Variants in DPP10 observed in about 807,000 individuals in gnomAD.
DPP10 encodes inactive dipeptidyl peptidase 10.
In DPP10, 33 loss-of-function variants were observed where a neutral mutation model predicts 120.9. The observed-to-expected ratio is 0.27, with a 90% CI of 0.21 to 0.37. The LOEUF is 0.37. Among genes scored for constraint, DPP10 ranks in the 10% least tolerant of loss-of-function variants. The pLI is 1.00. For missense variants in DPP10, 816 were observed against 942.8 expected (o/e 0.87, Z 1.76); for synonymous variants, 337 against 326.1 (o/e 1.03, Z -0.36).
intron 1 of DPP10, among the ~76,000 whole-genome samples, chr2:115,122,240 GAGAGA>G (rs1236256757): frequency 6.6e-6 from 1 of 152,168 alleles, no homozygotes; most frequent in Non-Finnish European, 1.5e-5. Context: ...TACAACACAT[GAGAGA>G]AGAGAAGAGG....
intron 11 of DPP10, among the ~76,000 whole-genome samples, chr2:115,755,832 A>T (rs777776608): frequency 2.6e-5 from 4 of 152,020 alleles, no homozygotes; most frequent in African/African-American, 9.7e-5. Flanking sequence ...AATAGTAGGG[A>T]TGTAGAATCA....
intron 10 of DPP10, among the ~76,000 whole-genome samples, 160 bp downstream of exon 10, chr2:115,746,343 C>G (rs1677973443): frequency 6.6e-6 from 1 of 152,142 alleles, no homozygotes; most frequent in Non-Finnish European, 1.5e-5. Flanking sequence ...TTCTCGGTCT[C>G]TGGCTGTTCC....
chr2:115,540,729 G>A (rs1327106641), intron 5 of DPP10, among the ~76,000 whole-genome samples: 1 of 151,752 alleles, frequency 6.6e-6, no homozygotes, highest in Non-Finnish European at 1.5e-5. Context: ...AAAAAATTCT[G>A]TCCATAATAT....
intron 1 of DPP10, among the ~76,000 whole-genome samples, chr2:114,878,563 C>T (rs949253070): frequency 1.3e-5 from 2 of 152,036 alleles, no homozygotes; most frequent in Admixed American, 6.6e-5. Context: ...TGCCTATTAA[C>T]CACCTCTTCA....
intron 13 of DPP10, among the ~76,000 whole-genome samples, chr2:115,769,177 A>G (rs2149815292): frequency 6.6e-6 from 1 of 152,200 alleles, no homozygotes; most frequent in Non-Finnish European, 1.5e-5. Context: ...TCTCACACAC[A>G]GGTTAAAGGC....
chr2:115,710,348 T>A (rs2092275865), intron 7 of DPP10, among the ~76,000 whole-genome samples: 1 of 152,164 alleles, frequency 6.6e-6, no homozygotes. Context: ...TATGTCTGTA[T>A]GTTGTGTGAC....
chr2:115,585,050 G>A (rs553290680), intron 5 of DPP10, among the ~76,000 whole-genome samples: 15 of 152,226 alleles, frequency 9.9e-5, no homozygotes, highest in African/African-American at 2.9e-4. Flanking sequence ...ATATGCTGGC[G>A]AAGTTATAGT....
intron 3 of DPP10, among the ~76,000 whole-genome samples, chr2:115,419,764 A>G (rs966738508): frequency 6.6e-6 from 1 of 152,220 alleles, no homozygotes; most frequent in South Asian, 2.1e-4. Flanking sequence ...AAAACTGTGT[A>G]TGCTGCTTGA....
At chr2:114,861,917 G>A (rs902971440) in intron 1 of DPP10, among the ~76,000 whole-genome samples, 14 of 152,126 alleles carry the variant, frequency 9.2e-5, no homozygotes, top group East Asian at 3.9e-4. Flanking sequence ...AAGAAACCCC[G>A]AGAAAAGAGA....
intron 1 of DPP10, among the ~76,000 whole-genome samples, chr2:114,782,187 T>C (rs888961324): frequency 1.1e-4 from 17 of 151,924 alleles, no homozygotes; most frequent in African/African-American, 4.1e-4. Flanking sequence ...TTCATACTAG[T>C]CATGAGAATG....
intron 1 of DPP10, among the ~76,000 whole-genome samples, chr2:114,603,205 T>C (rs1692512591): frequency 6.6e-6 from 1 of 152,090 alleles, no homozygotes; most frequent in Non-Finnish European, 1.5e-5. Flanking sequence ...CTATATTACA[T>C]ACTTAACATG....
chr2:115,451,849 C>T (rs191304663), intron 3 of DPP10, among the ~76,000 whole-genome samples: 56 of 151,692 alleles, frequency 3.7e-4, no homozygotes, highest in Non-Finnish European at 7.4e-4. Flanking sequence ...AACAAAGTAT[C>T]GTTTGTATAG....
intron 1 of DPP10, among the ~76,000 whole-genome samples, chr2:115,258,217 G>A (rs918985981): frequency 1.3e-5 from 2 of 152,152 alleles, no homozygotes; most frequent in African/African-American, 2.4e-5. Flanking sequence ...CTATGCAAAA[G>A]GATTAGAGTG....
intron 5 of DPP10, among the ~76,000 whole-genome samples, chr2:115,556,056 A>T (rs1457630168): frequency 6.6e-6 from 1 of 152,132 alleles, no homozygotes; most frequent in East Asian, 1.9e-4. Context: ...ATAATTTTTG[A>T]AATAGGAAAA....
chr2:114,734,627 TG>T (rs1558684452), intron 1 of DPP10, among the ~76,000 whole-genome samples: 1 of 152,210 alleles, frequency 6.6e-6, no homozygotes, highest in East Asian at 1.9e-4. Context: ...TCACAGGCCA[TG>T]GTCACTCATA....
At chr2:114,614,720 C>T (rs146404116) in intron 1 of DPP10, among the ~76,000 whole-genome samples, 36 of 152,254 alleles carry the variant, frequency 2.4e-4, no homozygotes, top group Middle Eastern at 3.4e-3. Context: ...TTCTTAAGTG[C>T]TATATATGTA....
intron 3 of DPP10, among the ~76,000 whole-genome samples, chr2:115,456,514 T>C (rs868315478): frequency 9.8e-5 from 15 of 152,302 alleles, no homozygotes; most frequent in African/African-American, 2.9e-4. Context: ...TGCACACATA[T>C]GTTTATTGTG....
chr2:115,786,671 C>T (rs991477169), intron 17 of DPP10, among the ~76,000 whole-genome samples: 6 of 152,190 alleles, frequency 3.9e-5, no homozygotes, highest in Admixed American at 2.0e-4. Flanking sequence ...AATTTCTGAA[C>T]TCCAATGCAA....
At chr2:115,637,822 T>C (rs183617940) in intron 5 of DPP10, among the ~76,000 whole-genome samples, 3 of 152,176 alleles carry the variant, frequency 2.0e-5, no homozygotes, top group African/African-American at 7.2e-5. Context: ...CAAACTAAAC[T>C]TGTGTGAAGA....
Sources: gnomAD v4.1 joint callset for allele counts (sites outside exome capture counted in the v4.1 genomes callset) on GRCh38, gnomAD v4.1.1 for gene constraint, MANE v1.5 for transcripts, NCBI Gene and HGNC (gene_info 2026-07-23, HGNC 2026-07-21) for gene names.